The following PACS2 variants were observed in gnomAD, a reference collection of about 807,000 sequenced individuals.
PACS2 encodes the protein PACS1-like protein.
A neutral mutation model predicts 113.0 loss-of-function variants in PACS2; 36 were observed. The observed-to-expected ratio is 0.32, with a 90% CI of 0.24 to 0.42. PACS2 has a LOEUF of 0.42. Ranked by LOEUF, PACS2 falls within the 10% of genes least tolerant of loss-of-function variation. The pLI, the probability that PACS2 is intolerant of heterozygous loss-of-function variation, is 1.00. For missense variants in PACS2, 1,015 were observed against 1,239.5 expected (o/e 0.82, Z 2.72); for synonymous variants, 589 against 536.1 (o/e 1.10, Z -1.36).
intron 1 of PACS2, among the ~76,000 whole-genome samples, chr14:105,322,937 G>A (rs587732578): frequency 7.9e-5 from 12 of 152,324 alleles, no homozygotes; most frequent in South Asian, 2.1e-4. Flanking sequence ...TGAGCAGGGC[G>A]TGTGCTGGTT....
chr14:105,385,642 G>A (rs782534498), intron 18 of PACS2, 43 bp from the exon 19 acceptor site: 43 of 1,459,560 alleles, frequency 2.9e-5, no homozygotes, highest in East Asian at 7.5e-5. Flanking sequence ...TCCTGAGGGC[G>A]TCGTAACGTG....
At chr14:105,362,436 GAAAA>G (rs1158824274) in intron 4 of PACS2, among the ~76,000 whole-genome samples, 4 of 146,182 alleles carry the variant, frequency 2.7e-5, no homozygotes, top group Non-Finnish European at 4.5e-5. Flanking sequence ...AAAAAGAAAA[GAAAA>G]AAAAAGAATG....
intron 4 of PACS2, among the ~76,000 whole-genome samples, chr14:105,362,227 G>A (rs587772143): frequency 6.6e-5 from 10 of 150,390 alleles, no homozygotes; most frequent in East Asian, 2.0e-4. Context: ...GACCATCCTG[G>A]CTAACACAGT....
intron 4 of PACS2, among the ~76,000 whole-genome samples, chr14:105,359,504 C>T (rs1381790635): frequency 1.3e-5 from 2 of 151,270 alleles, no homozygotes; most frequent in African/African-American, 2.4e-5. Context: ...GACAGGGTTT[C>T]ACCCTGTTGT....
chr14:105,302,163 A>G (rs772421779), intron 1 of PACS2, among the ~76,000 whole-genome samples: 5 of 151,104 alleles, frequency 3.3e-5, no homozygotes, highest in Non-Finnish European at 7.4e-5. Flanking sequence ...AAAAAAGAGA[A>G]AAAAGGAAAT....
intron 1 of PACS2, among the ~76,000 whole-genome samples, chr14:105,336,272 G>T (rs1287832034): frequency 4.6e-5 from 7 of 152,238 alleles, no homozygotes; most frequent in African/African-American, 1.7e-4. Context: ...GTTGACATGC[G>T]CCTCGAGGGC....
chr14:105,391,712 C>T lies in PACS2; in HGVS notation c.2201C>T (p.Ala734Val), dbSNP rs2081363727. ...PPSASPAAKE[A>V]SPTPPSSPSV... The stretch of plus-strand genomic sequence containing the variant: ...TCCGCATCTCCTGCGGCCAAGGAGG[C>T]CTCACCCACCCCGCCCTCCTCCCCG... Residue 734 changes from alanine (A) to valine (V), a missense_variant, in exon 22 of 25, where the codon GCC (alanine) becomes GTC (valine). This residue lies in a region of PACS2 where 859 missense variants were observed against 1,056.8 expected (regional missense o/e 0.81). Coordinates refer to ENST00000447393, the MANE Select transcript of PACS2 (RefSeq NM_001100913.3). 1 of 1,600,202 alleles carries T rather than the reference C, an allele frequency of 6.2e-7. No individual in the cohort carries two copies. Among genetic ancestry groups the T allele is most frequent in the South Asian group, 1.1e-5 (1 of 88,854 alleles).
At chr14:105,353,861 G>A (rs944920162) in intron 3 of PACS2, among the ~76,000 whole-genome samples, 4 of 152,058 alleles carry the variant, frequency 2.6e-5, no homozygotes, top group Non-Finnish European at 4.4e-5. Context: ...CAAAGTGCTG[G>A]GATTACAGGC....
At chr14:105,390,172 C>T in intron 20 of PACS2, 169 bp downstream of exon 20, 1 of 704,498 alleles carries the variant, frequency 1.4e-6, no homozygotes, top group African/African-American at 1.7e-5. Flanking sequence ...TCCTTCCCTG[C>T]TGGAGTGGGG....
intron 4 of PACS2, among the ~76,000 whole-genome samples, chr14:105,359,703 TG>T (rs1486759265): frequency 1.3e-5 from 2 of 150,586 alleles, no homozygotes; most frequent in East Asian, 3.9e-4. Flanking sequence ...GCCATTCTCC[TG>T]CCTCAGCCTC....
chr14:105,305,492 T>C (rs587747906), intron 1 of PACS2, among the ~76,000 whole-genome samples: 45 of 152,306 alleles, frequency 3.0e-4, no homozygotes, highest in East Asian at 1.3e-3. Flanking sequence ...AAGAGGGCAC[T>C]GTCTATGAAC....
chr14:105,312,454 A>G (rs1253212335), upstream of PACS2, among the ~76,000 whole-genome samples: 1 of 152,154 alleles, frequency 6.6e-6, no homozygotes, highest in Non-Finnish European at 1.5e-5. Flanking sequence ...CTCCTCCCCA[A>G]CCGTGCCCAG....
intron 1 of PACS2, among the ~76,000 whole-genome samples, chr14:105,302,217 T>C (rs1160998774): frequency 6.6e-6 from 1 of 150,820 alleles, no homozygotes; most frequent in Non-Finnish European, 1.5e-5. Flanking sequence ...TTTTTTTTTT[T>C]TTTGAGACGG....
chr14:105,369,745 G>A (rs587741278), intron 7 of PACS2, 96 bp from the exon 8 acceptor site: 28 of 1,053,098 alleles, frequency 2.7e-5, no homozygotes, highest in East Asian at 2.6e-4. Flanking sequence ...GCTCTCCCAC[G>A]GCGGGCCTGG....
chr14:105,352,899 C>T (rs1360215429), intron 3 of PACS2, among the ~76,000 whole-genome samples: 34 of 100,992 alleles, frequency 3.4e-4, no homozygotes, highest in South Asian at 1.1e-3. Context: ...CCTGGGGTGA[C>T]GGGCCCCCTC....
chr14:105,393,632 C>G (rs186776285), intron 24 of PACS2: 134 of 303,996 alleles, frequency 4.4e-4, no homozygotes, highest in African/African-American at 2.9e-3. Flanking sequence ...TCTTGTTACC[C>G]AGGCTGGAGT....
chr14:105,378,407 C>T (rs1690644568), intron 9 of PACS2, among the ~76,000 whole-genome samples: 2 of 152,148 alleles, frequency 1.3e-5, no homozygotes, highest in South Asian at 2.1e-4. Flanking sequence ...TTTTAGGGGG[C>T]GGGGGAGTTG....
rs1252116359 is a variant in PACS2 at position 105,354,623 on chromosome 14, C to T, written c.298-429C>T. On this transcript the variant is annotated intron_variant, in intron 3 of 24. Transcript: ENST00000447393. This position sits in a 1 kb window ranked among gnomAD's most constrained non-coding sequence, Gnocchi z 4.2. Reference sequence around the variant, plus strand: ...GCAGGCGAGTTGGGTGAACAGGGGGCCTCGGAGGGAGAGCCCTCCCCGCCC... The same window carrying T: ...GCAGGCGAGTTGGGTGAACAGGGGGTCTCGGAGGGAGAGCCCTCCCCGCCC... Among the ~76,000 whole-genome samples, 38 of 152,196 alleles carry T rather than the reference C, an allele frequency of 2.5e-4. No individual in the cohort carries two copies. Among genetic ancestry groups the T allele is most frequent in the African/African-American group, 8.9e-4 (37 of 41,440 alleles).
In PACS2 at chr14:105,392,800, C is replaced by T; in HGVS notation, c.2437C>T (p.Pro813Ser). The T allele has an allele frequency of 6.2e-7, 1 of 1,608,912 alleles. No individual in the cohort carries two copies. Among genetic ancestry groups the T allele is most frequent in the Non-Finnish European group, 8.5e-7 (1 of 1,179,874 alleles). The change falls in exon 23 of 25, where the codon CCC (proline) becomes TCC (serine). Residue 813 changes from proline (P) to serine (S), a missense_variant. By Grantham distance (74) the Pro-to-Ser change is moderately conservative. Around this residue, in one of 3 missense-constraint regions of PACS2, gnomAD observed 859 missense variants for 1,056.8 expected, o/e 0.81. Transcript: ENST00000447393. ...CAGCAGCGGCGAGGCTGCAGCCACG[C>T]CCACCATGTCCATGACCGTGGTCAC... ...LPSSGEAAAT[P>S]TMSMTVVTKE...
Sources: gnomAD v4.1 joint callset for allele counts (sites outside exome capture counted in the v4.1 genomes callset) on GRCh38, gnomAD v4.1.1 for gene constraint, gnomAD v4.1.1 regional missense constraint, Gnocchi (gnomAD v3.1) non-coding constraint, MANE v1.5 for transcripts, NCBI Gene and HGNC (gene_info 2026-07-23, HGNC 2026-07-21) for gene names.